The following TXLNG variants were observed in gnomAD, a reference collection of about 807,000 sequenced individuals.
The protein encoded by TXLNG is taxilin gamma, also known as gamma-taxilin.
In TXLNG, 5 loss-of-function variants were observed where a neutral mutation model predicts 38.8. The observed-to-expected ratio is 0.13, with a 90% CI of 0.07 to 0.27. The LOEUF (loss-of-function observed/expected upper bound fraction) is 0.27, where lower values mean the gene tolerates loss of function less well. Among genes scored for constraint, TXLNG ranks in the 10% least tolerant of loss-of-function variants. The probability of loss-of-function intolerance (pLI) is 1.00; values close to 1 mark genes in which losing one functional copy is unlikely to be tolerated. For missense variants in TXLNG, 393 were observed against 398.2 expected (o/e 0.99, Z 0.11); for synonymous variants, 182 against 158.2 (o/e 1.15, Z -1.13).
intron 1 of TXLNG, among the ~76,000 whole-genome samples, chrX:16,794,256 A>G (rs1927801390): frequency 1.8e-5 from 2 of 112,308 alleles, no homozygotes; most frequent in Non-Finnish European, 3.8e-5. Context: ...TGAGCAAAAC[A>G]TGCTGGTAGA....
chrX:16,794,050 A>C (rs1927793414), intron 1 of TXLNG, among the ~76,000 whole-genome samples: 1 of 111,744 alleles, frequency 8.9e-6, no homozygotes, highest in South Asian at 3.7e-4. Flanking sequence ...TGGCGCTAAG[A>C]AGGTAAGTAC....
intron 1 of TXLNG, among the ~76,000 whole-genome samples, chrX:16,800,799 A>G (rs747510158): frequency 3.3e-4 from 37 of 111,342 alleles, no homozygotes; most frequent in African/African-American, 1.1e-3. Flanking sequence ...TGGCTTCAGC[A>G]ACCTCAGACC....
chrX:16,822,726 A>T (rs1270258455), intron 3 of TXLNG, among the ~76,000 whole-genome samples: 1 of 112,557 alleles, frequency 8.9e-6, no homozygotes, highest in Non-Finnish European at 1.9e-5. Context: ...CAGTGATGTG[A>T]CAATGACAGA....
rs1928090018 is a variant in TXLNG, at chrX:16,801,523, C to T, written c.102+14934C>T. Among the ~76,000 whole-genome samples, 5 of 111,824 alleles carry T rather than the reference C, an allele frequency of 4.5e-5. No homozygotes were observed. In the Admixed American group the frequency reaches 4.8e-4, roughly 11 times the overall value. ...TTATAGCAGTATGAGAATGGCCTAA[C>T]ACACCTCCCTTTCCATTACGCTTAC... On this transcript the variant is annotated intron_variant, in intron 1 of 9. Coordinates refer to ENST00000380122, the MANE Select transcript of TXLNG (RefSeq NM_018360.3).
chrX:16,808,116 A>G (rs1928392893), intron 1 of TXLNG, among the ~76,000 whole-genome samples: 1 of 111,645 alleles, frequency 9.0e-6, no homozygotes, highest in South Asian at 3.7e-4. Flanking sequence ...CTTAGCTCCA[A>G]GTATTGAGAC....
intron 6 of TXLNG, 67 bp downstream of exon 6, chrX:16,832,809 C>G: frequency 1.8e-6 from 2 of 1,119,189 alleles, no homozygotes; most frequent in African/African-American, 1.8e-5. Context: ...TTTGAAACAT[C>G]AAATTGTAAC....
chrX:16,811,673 C>G (rs1267819427), intron 1 of TXLNG, among the ~76,000 whole-genome samples: 3 of 103,904 alleles, frequency 2.9e-5, no homozygotes, highest in African/African-American at 7.1e-5. Context: ...GACGGAGTCT[C>G]GCTGCCAGGC....
intron 1 of TXLNG, among the ~76,000 whole-genome samples, chrX:16,787,587 C>T (rs1311980928): frequency 9.1e-6 from 1 of 110,375 alleles, no homozygotes; most frequent in Non-Finnish European, 1.9e-5. Context: ...TCCACTTGTT[C>T]TGGAGCTCAG....
At chrX:16,792,743 T>C (rs1857922886) in intron 1 of TXLNG, among the ~76,000 whole-genome samples, 2 of 109,507 alleles carry the variant, frequency 1.8e-5, no homozygotes, top group Non-Finnish European at 3.8e-5. Flanking sequence ...ATTGGGCCAC[T>C]GCTCTAGCCT....
intron 7 of TXLNG, 21 bp from the exon 8 acceptor site, chrX:16,837,572 T>C: frequency 8.8e-7 from 1 of 1,136,238 alleles, no homozygotes; most frequent in Non-Finnish European, 1.2e-6. Flanking sequence ...CTCAGAATGT[T>C]TCATACTTTT....
At chrX:16,820,833 A>G (rs1013938170) in intron 3 of TXLNG, among the ~76,000 whole-genome samples, 1 of 111,432 alleles carries the variant, frequency 9.0e-6, no homozygotes, top group Admixed American at 9.5e-5. Flanking sequence ...CAGTGGTGTG[A>G]TCTCAGCAGA....
chrX:16,822,204 G>A (rs189370546), intron 3 of TXLNG, among the ~76,000 whole-genome samples: 6 of 107,828 alleles, frequency 5.6e-5, no homozygotes, highest in African/African-American at 2.0e-4. Flanking sequence ...AGCCGGGTGT[G>A]GTGGCGGGTG....
chrX:16,830,830 C>CGTGTGTGTGT (rs1186714021), intron 5 of TXLNG, among the ~76,000 whole-genome samples: 748 of 37,912 alleles, frequency 0.02, 70 homozygotes, highest in African/African-American at 0.041. Flanking sequence ...ACCGTAATTC[C>CGTGTGTGTGT]GTGTGTGTGT....
chrX:16,800,562 C>CTTTTTT (rs747782846), intron 1 of TXLNG, among the ~76,000 whole-genome samples: 1 of 68,247 alleles, frequency 1.5e-5, no homozygotes, highest in Non-Finnish European at 2.8e-5. Flanking sequence ...GAGGAGGAAA[C>CTTTTTT]TTTTTTTTTT....
chrX:16,841,568 G>T lies in TXLNG; in HGVS notation c.1389G>T (p.Ala463=). 1 of 1,211,462 alleles carries T rather than the reference G, an allele frequency of 8.3e-7. No homozygotes were observed. The highest frequency in any genetic ancestry group is 1.1e-6 in the Non-Finnish European group (1 of 895,394). Reference sequence around the variant, plus strand: ...TGAAAGAGCAGGTATCCATCAAAGCGGCCATCAAAGCGGCGAACAGGGATT... The same window carrying T: ...TGAAAGAGCAGGTATCCATCAAAGCTGCCATCAAAGCGGCGAACAGGGATT... ...EVLKEQVSIK[A]AIKAANRDLA... Residue 463 remains alanine (A), a synonymous_variant, in exon 10 of 10, where the codon GCG becomes GCT. Coordinates refer to ENST00000380122, the MANE Select transcript of TXLNG (RefSeq NM_018360.3).
chrX:16,796,125 T>A (rs945650563), intron 1 of TXLNG, among the ~76,000 whole-genome samples: 3 of 110,319 alleles, frequency 2.7e-5, no homozygotes, highest in African/African-American at 9.9e-5. Flanking sequence ...CACTTTTTTT[T>A]AGTATATATT....
chrX:16,828,148 G>A lies in TXLNG; in HGVS notation c.553G>A (p.Ala185Thr). 8.3e-7 allele frequency: 1 copy of A among 1,211,329 alleles called. No individual in the cohort carries two copies. Among genetic ancestry groups the A allele is most frequent in the South Asian group, 1.8e-5 (1 of 56,870 alleles). Residue 185 changes from alanine (A) to threonine (T), a missense_variant, in exon 4 of 10, where the codon GCC (alanine) becomes ACC (threonine). Physicochemically the swap from Ala to Thr is moderately conservative, Grantham distance 58 (BLOSUM62 0). Coordinates refer to ENST00000380122, the MANE Select transcript of TXLNG (RefSeq NM_018360.3). Reference protein sequence around the residue: ...KQMKILQKKQAQIVKEKVHLQ... With the variant: ...KQMKILQKKQTQIVKEKVHLQ... ...AATGAAGATCCTGCAGAAGAAGCAA[G>A]CCCAGATTGTGAAAGAGAAAGTTCA... is the stretch of plus-strand genomic sequence containing the variant.
rs190138097 is a variant in TXLNG, at chrX:16,804,577, A to G, written c.103-13997A>G. On this transcript the variant is annotated intron_variant, in intron 1 of 9. Transcript: ENST00000380122. ...TTTTTTTACTCCTTTAAAATGTGGT[A>G]AGTTAAAGATGGTACCTTGGTTTGC... Among the ~76,000 whole-genome samples, 183 of 104,287 alleles carry G rather than the reference A, an allele frequency of 1.8e-3. 5 individuals carry two copies. Among genetic ancestry groups the G allele is most frequent in the Non-Finnish European group, 1.8e-3 (95 of 51,423 alleles). The allele number at this position is 104,287 out of a possible 115,157, so 90.6% of individuals were successfully genotyped here. A position where few individuals can be genotyped will look rare whatever the true frequency, so the allele number is the denominator to read the frequency against.
chrX:16,839,941 G>T, intron 9 of TXLNG, 25 bp downstream of exon 9: 1 of 1,106,757 alleles, frequency 9.0e-7, no homozygotes, highest in East Asian at 3.1e-5. Flanking sequence ...TGCGACTAAG[G>T]TGTAGTCTTA....
Sources: allele counts gnomAD v4.1 joint callset (sites outside exome capture counted in the v4.1 genomes callset), GRCh38; gene constraint gnomAD v4.1.1; transcripts MANE v1.5; gene names NCBI Gene and HGNC (gene_info 2026-07-23, HGNC 2026-07-21).